The following CD48 variants were observed in gnomAD, a reference collection of about 807,000 sequenced individuals.
The protein encoded by CD48 is CD48 molecule.
In CD48, 20 loss-of-function variants were observed where a neutral mutation model predicts 22.0. The observed-to-expected ratio is 0.91, with a 90% CI of 0.64 to 1.32. The LOEUF (loss-of-function observed/expected upper bound fraction) is 1.32. Among genes scored for constraint, CD48 ranks in the 40% most tolerant of loss-of-function variants. CD48 has a pLI of 0.00. For synonymous variants in CD48, 110 were observed against 110.1 expected (o/e 1.00, Z 0.01); for missense variants, 307 against 286.5 (o/e 1.07, Z -0.52).
At chr1:160,707,625 A>G (rs2102441880) in intron 1 of CD48, among the ~76,000 whole-genome samples, 1 of 152,244 alleles carries the variant, frequency 6.6e-6, no homozygotes, top group Non-Finnish European at 1.5e-5. Flanking sequence ...TTCTGCAAAG[A>G]AGGAGGCACA....
intron 1 of CD48, among the ~76,000 whole-genome samples, chr1:160,689,744 G>T (rs1662134825): frequency 6.6e-6 from 1 of 152,156 alleles, no homozygotes. Context: ...TGTGGTTTTA[G>T]TTGTCAGTAT....
chr1:160,682,499 G>C (rs1375234468), intron 2 of CD48, among the ~76,000 whole-genome samples: 3 of 134,412 alleles, frequency 2.2e-5, no homozygotes. Context: ...GAAAGAGAGA[G>C]AGAAGGGAAG....
intron 1 of CD48, among the ~76,000 whole-genome samples, chr1:160,702,959 G>T (rs924679607): frequency 1.3e-5 from 2 of 152,136 alleles, no homozygotes; most frequent in Middle Eastern, 3.2e-3. Context: ...AAAAATCTGG[G>T]TATAATTCAG....
chr1:160,700,912 C>G (rs1396257080), intron 1 of CD48, among the ~76,000 whole-genome samples: 1 of 152,042 alleles, frequency 6.6e-6, no homozygotes, highest in African/African-American at 2.4e-5. Context: ...TATAACACAG[C>G]AGCTCAAAAT....
At chr1:160,682,982 A>G (rs1276047012) in intron 2 of CD48, among the ~76,000 whole-genome samples, 1 of 152,214 alleles carries the variant, frequency 6.6e-6, no homozygotes, top group African/African-American at 2.4e-5. Flanking sequence ...TCTTGGTTGT[A>G]TGTGTGGAGA....
At chr1:160,694,970 G>A (rs75560886) in intron 1 of CD48, among the ~76,000 whole-genome samples, 7,837 of 98,344 alleles carry the variant, frequency 0.08, no homozygotes, top group East Asian at 0.3. Flanking sequence ...AGCAAATGGC[G>A]TATGTTAACT....
chr1:160,706,021 G>A (rs1379933362), intron 1 of CD48, among the ~76,000 whole-genome samples: 2 of 152,130 alleles, frequency 1.3e-5, no homozygotes, highest in Admixed American at 6.5e-5. Flanking sequence ...CAGGAAGATA[G>A]CACAATCCAC....
intron 1 of CD48, among the ~76,000 whole-genome samples, chr1:160,706,232 G>A (rs923134585): frequency 4.6e-5 from 7 of 151,956 alleles, no homozygotes; most frequent in African/African-American, 1.2e-4. Context: ...GCACCACCAC[G>A]CCGGGCTAAT....
At chr1:160,689,912 G>A (rs1662142227) in intron 1 of CD48, among the ~76,000 whole-genome samples, 2 of 152,142 alleles carry the variant, frequency 1.3e-5, no homozygotes, top group Non-Finnish European at 1.5e-5. Flanking sequence ...CTTCGTTTAT[G>A]GAAAATTTTT....
chr1:160,691,595 C>T (rs1286111011), intron 1 of CD48: 2 of 180,876 alleles, frequency 1.1e-5, no homozygotes, highest in Admixed American at 1.2e-4. Context: ...ACTAAGGGGA[C>T]TCAGAGGCTG....
intron 1 of CD48, among the ~76,000 whole-genome samples, chr1:160,689,936 G>C (rs950669368): frequency 6.6e-6 from 1 of 152,144 alleles, no homozygotes; most frequent in Non-Finnish European, 1.5e-5. Context: ...CTGTATAATG[G>C]CGTTTGGCTG....
At position 160,686,264 on chromosome 1, in the gene CD48, TAGAC is replaced by T. The variant is rs200337568; in HGVS notation, c.83-1079_83-1076del. On this transcript the variant is annotated intron_variant, in intron 1 of 3. Transcript: ENST00000368046. ...CTAGCCTAGGGGAGAATGGGACTGATAGACAGGAGGGCAGGAGAAGGTCAGAGAA... is the reference window on the plus strand; with the variant it reads ...CTAGCCTAGGGGAGAATGGGACTGATAGGAGGGCAGGAGAAGGTCAGAGAA... Among the ~76,000 whole-genome samples, 123 of 152,130 alleles carry T rather than the reference TAGAC, an allele frequency of 8.1e-4. 2 individuals are homozygous for T. In the East Asian group the frequency reaches 0.02, roughly 25 times the overall value.
intron 1 of CD48, among the ~76,000 whole-genome samples, chr1:160,708,850 A>C (rs1662868256): frequency 6.6e-6 from 1 of 152,182 alleles, no homozygotes; most frequent in Admixed American, 6.5e-5. Context: ...ATACACCGGA[A>C]GTGTGACCTG....
chr1:160,679,224 C>T (rs997831989), intron 3 of CD48, 93 bp from the exon 4 acceptor site: 8 of 953,808 alleles, frequency 8.4e-6, no homozygotes, highest in Non-Finnish European at 1.4e-5. Flanking sequence ...GGTGTGGGAG[C>T]TCACAGAGCA....
intron 1 of CD48, among the ~76,000 whole-genome samples, chr1:160,707,670 G>T (rs1404773080): frequency 6.6e-6 from 1 of 152,134 alleles, no homozygotes; most frequent in Non-Finnish European, 1.5e-5. Flanking sequence ...TGAGGTAAGG[G>T]GCCTTGAGGA....
intron 1 of CD48, among the ~76,000 whole-genome samples, chr1:160,693,288 G>T (rs487701): frequency 6.6e-6 from 1 of 152,220 alleles, no homozygotes; most frequent in Admixed American, 6.5e-5. Flanking sequence ...TCAATTGCCA[G>T]TGAAAAAGCC....
At chr1:160,711,411 C>A (rs181632465) in intron 1 of CD48, among the ~76,000 whole-genome samples, 14 of 152,240 alleles carry the variant, frequency 9.2e-5, no homozygotes, top group Admixed American at 8.5e-4. Flanking sequence ...CTTCATGGAC[C>A]ACCAACCACG....
Position 160,681,483 on chromosome 1 carries a change from G to C in CD48, c.386-15C>G. On this transcript the variant is annotated splice_polypyrimidine_tract_variant and intron_variant, in intron 2 of 3. Transcript: ENST00000368046. ...GGGTACAGGGTCTGAAAGTGAGGAG[G>C]ATGTTATAAGATGAGACAGTGAGGC... 1.2e-6 allele frequency: 2 copies of C among 1,610,614 alleles called. No homozygotes were observed. The highest frequency in any genetic ancestry group is 1.7e-6 in the Non-Finnish European group (2 of 1,177,994).
intron 2 of CD48, 33 bp downstream of exon 2, chr1:160,684,854 G>A (rs781476874): frequency 6.2e-7 from 1 of 1,614,082 alleles, no homozygotes. Flanking sequence ...GGCCACTGGA[G>A]TGGGGATTTG....
Sources: allele counts gnomAD v4.1 joint callset (sites outside exome capture counted in the v4.1 genomes callset), GRCh38; gene constraint gnomAD v4.1.1; transcripts MANE v1.5; gene names NCBI Gene and HGNC (gene_info 2026-07-23, HGNC 2026-07-21).